Variants in SNX7 observed in about 807,000 individuals in gnomAD.
SNX7 encodes the protein sorting nexin-7.
A neutral mutation model predicts 48.4 loss-of-function variants in SNX7; 35 were observed. That is an observed-to-expected ratio of 0.72 (90% CI 0.55 to 0.96). SNX7 has a LOEUF of 0.96. SNX7 is among the 40% of genes least tolerant of loss of function. The probability of loss-of-function intolerance (pLI) is 0.00; values close to 1 mark genes in which losing one functional copy is unlikely to be tolerated. For missense variants in SNX7, 553 were observed against 548.9 expected (o/e 1.01, Z -0.07); for synonymous variants, 190 against 190.2 (o/e 1.00, Z 0.01).
chr1:98,667,541 ATT>A (rs879642770), intron 1 of SNX7, among the ~76,000 whole-genome samples: 1 of 143,036 alleles, frequency 7.0e-6, no homozygotes, highest in African/African-American at 2.6e-5. Context: ...CACACCCAGC[ATT>A]TTTTTTTTTT....
In SNX7 at chr1:98,691,084, G is replaced by A. The variant is rs1054682773; in HGVS notation, c.373G>A (p.Gly125Arg). Residue 125 changes from glycine to arginine, a missense_variant, in exon 3 of 9, where the codon GGG becomes AGG. Physicochemically the swap from Gly to Arg is moderately radical, Grantham distance 125. Coordinates refer to ENST00000306121, the MANE Select transcript of SNX7 (RefSeq NM_015976.5). ...CTCTTACTTTCTTCAGACATCTCGT[G>A]GGGAATTTGACTCCAGTGAATTTGA... is the stretch of plus-strand genomic sequence containing the variant. Reference protein sequence around the residue: ...TYRIITKTSRGEFDSSEFEVR... With the variant: ...TYRIITKTSRREFDSSEFEVR... 2 of 1,603,136 alleles carry A rather than the reference G, an allele frequency of 1.2e-6. No individual in the cohort carries two copies. The highest frequency in any genetic ancestry group is 1.7e-6 in the Non-Finnish European group (2 of 1,173,542).
At chr1:98,718,488 C>T (rs933918148) in intron 7 of SNX7, among the ~76,000 whole-genome samples, 1 of 152,068 alleles carries the variant, frequency 6.6e-6, no homozygotes, top group Non-Finnish European at 1.5e-5. Context: ...ACATTAGGTA[C>T]TTCAACATTT....
chr1:98,743,696 T>C (rs370547555), intron 8 of SNX7, among the ~76,000 whole-genome samples: 2 of 152,212 alleles, frequency 1.3e-5, no homozygotes, highest in East Asian at 1.9e-4. Context: ...AGAAGGTTCT[T>C]CAAGTGTAGT....
intron 8 of SNX7, 125 bp downstream of exon 8, chr1:98,738,514 G>T: frequency 2.2e-6 from 2 of 899,352 alleles, no homozygotes; most frequent in Non-Finnish European, 3.3e-6. Flanking sequence ...CTGGTAGCTT[G>T]GTTTTGATGA....
intron 7 of SNX7, among the ~76,000 whole-genome samples, chr1:98,708,008 A>G (rs1461026416): frequency 6.6e-6 from 1 of 152,194 alleles, no homozygotes; most frequent in African/African-American, 2.4e-5. Flanking sequence ...AGCTTTAAAG[A>G]AATAATTTTG....
chr1:98,689,767 T>TA (rs1221294275), intron 2 of SNX7, among the ~76,000 whole-genome samples: 2 of 152,248 alleles, frequency 1.3e-5, no homozygotes, highest in Non-Finnish European at 2.9e-5. Flanking sequence ...TGCATGCATC[T>TA]ATTTGCATAT....
chr1:98,744,888 T>G (rs954348243), intron 8 of SNX7, among the ~76,000 whole-genome samples: 7 of 151,982 alleles, frequency 4.6e-5, no homozygotes, highest in African/African-American at 1.7e-4. Flanking sequence ...CTAAATTTAC[T>G]CATAGAAGGA....
chr1:98,678,999 T>C (rs866068623), intron 1 of SNX7, among the ~76,000 whole-genome samples: 18 of 152,264 alleles, frequency 1.2e-4, no homozygotes, highest in African/African-American at 4.3e-4. Flanking sequence ...CACCTGCAAT[T>C]CCAGCACTCT....
At chr1:98,737,904 G>C (rs1434235346) in intron 7 of SNX7, among the ~76,000 whole-genome samples, 1 of 152,136 alleles carries the variant, frequency 6.6e-6, no homozygotes. Flanking sequence ...GTTGTAAGGA[G>C]AGTCTTAATA....
Position 98,720,233 on chromosome 1 carries a change from TATA to T in SNX7, c.1126-17995_1126-17993del, listed in dbSNP as rs988299017. Among the ~76,000 whole-genome samples the T allele has an allele frequency of 8.6e-4, 131 of 152,108 alleles. 1 individual carries two copies. The highest frequency in any genetic ancestry group is 2.9e-3 in the South Asian group (14 of 4,824). ...TTTTAAAAGTAAACTATAAAATATT[TATA>T]ATAATAATCAAATACCTGAATCATG... On this transcript the variant is annotated intron_variant, in intron 7 of 8. Transcript: ENST00000306121.
chr1:98,755,211 A>G (rs942075937), intron 8 of SNX7, among the ~76,000 whole-genome samples: 1 of 152,122 alleles, frequency 6.6e-6, no homozygotes, highest in African/African-American at 2.4e-5. Context: ...GACTTATTGT[A>G]TGGCCCAGAA....
chr1:98,684,975 C>T lies in SNX7; in HGVS notation c.271C>T (p.Pro91Ser), dbSNP rs2100940189. ...AAACCAAATCAAGTTTGAGGATGAA[C>T]CAGATTTAAAGGATCTCTTCATCAC... is the stretch of plus-strand genomic sequence containing the variant. ...MINQIKFEDE[P>S]DLKDLFITVD... The change falls in exon 2 of 9, where the codon CCA becomes TCA. Residue 91 changes from proline (P) to serine (S), a missense_variant. Physicochemically the swap from Pro to Ser is moderately conservative, Grantham distance 74. Coordinates refer to ENST00000306121, the MANE Select transcript of SNX7 (RefSeq NM_015976.5). 6.3e-7 allele frequency: 1 copy of T among 1,598,362 alleles called. No individual in the cohort carries two copies. The highest frequency in any genetic ancestry group is 8.5e-7 in the Non-Finnish European group (1 of 1,171,370).
intron 8 of SNX7, among the ~76,000 whole-genome samples, chr1:98,754,480 G>A (rs1012715769): frequency 6.6e-6 from 1 of 152,022 alleles, no homozygotes; most frequent in Non-Finnish European, 1.5e-5. Flanking sequence ...TTGTGTATGT[G>A]TATGAAGATA....
upstream of SNX7, among the ~76,000 whole-genome samples, chr1:98,661,452 C>T (rs1649201500): frequency 1.3e-5 from 2 of 152,114 alleles, no homozygotes; most frequent in Admixed American, 6.5e-5. Context: ...CCACCTCCTA[C>T]CTTTGAGTCT....
At chr1:98,680,381 G>C (rs967623759) in intron 1 of SNX7, among the ~76,000 whole-genome samples, 9 of 152,182 alleles carry the variant, frequency 5.9e-5, no homozygotes, top group Non-Finnish European at 1.3e-4. Context: ...CTGCCATGAA[G>C]ACCTCTGGCA....
At chr1:98,709,456 A>C (rs1373021574) in intron 7 of SNX7, among the ~76,000 whole-genome samples, 1 of 152,122 alleles carries the variant, frequency 6.6e-6, no homozygotes, top group Non-Finnish European at 1.5e-5. Context: ...GACTATTGAG[A>C]GGTTGTGCTT....
At chr1:98,712,556 A>G (rs879568762) in intron 7 of SNX7, among the ~76,000 whole-genome samples, 1 of 152,140 alleles carries the variant, frequency 6.6e-6, no homozygotes, top group Non-Finnish European at 1.5e-5. Context: ...AGTAAACCAT[A>G]CTATAAACAG....
chr1:98,685,313 T>A (rs1004218864), intron 2 of SNX7, among the ~76,000 whole-genome samples: 1 of 152,166 alleles, frequency 6.6e-6, no homozygotes, highest in Non-Finnish European at 1.5e-5. Flanking sequence ...CTTCTTAGAA[T>A]AAGAATATCT....
intron 8 of SNX7, among the ~76,000 whole-genome samples, chr1:98,742,924 CAT>C (rs921658650): frequency 1.3e-5 from 2 of 151,796 alleles, no homozygotes; most frequent in African/African-American, 4.8e-5. Context: ...TATGTTTCCA[CAT>C]AGTGTCATAA....
Sources: gnomAD v4.1 joint callset for allele counts (sites outside exome capture counted in the v4.1 genomes callset) on GRCh38, gnomAD v4.1.1 for gene constraint, MANE v1.5 for transcripts, NCBI Gene and HGNC (gene_info 2026-07-23, HGNC 2026-07-21) for gene names.